SRD5A1: variants seen among roughly 807,000 people sequenced by gnomAD.
SRD5A1 encodes steroid 5 alpha-reductase 1, also known as 3-oxo-5-alpha-steroid 4-dehydrogenase 1.
A neutral mutation model predicts 28.2 loss-of-function variants in SRD5A1; 22 were observed. The observed-to-expected ratio is 0.78, with a 90% CI of 0.56 to 1.12. The LOEUF is 1.12. SRD5A1 is among the 50% of genes most tolerant of loss of function. The pLI is 0.00. For missense variants in SRD5A1, 300 were observed against 346.7 expected, an observed-to-expected ratio of 0.87 and a Z score of 1.07; for synonymous variants, 151 against 135.0, an observed-to-expected ratio of 1.12 and a Z score of -0.82.
At chr5:6,658,209 C>T (rs964411754) in intron 3 of SRD5A1, among the ~76,000 whole-genome samples, 5 of 152,126 alleles carry the variant, frequency 3.3e-5, no homozygotes, top group African/African-American at 1.2e-4. Context: ...CCTGTAATCC[C>T]AGCTACTTGG....
At chr5:6,640,239 C>G (rs1738320703) in intron 1 of SRD5A1, among the ~76,000 whole-genome samples, 1 of 152,144 alleles carries the variant, frequency 6.6e-6, no homozygotes, top group Non-Finnish European at 1.5e-5. Context: ...ATAATAGTCA[C>G]AGTTTTGCAG....
intron 3 of SRD5A1, among the ~76,000 whole-genome samples, chr5:6,662,199 C>T (rs1739027159): frequency 6.6e-6 from 1 of 152,238 alleles, no homozygotes; most frequent in Non-Finnish European, 1.5e-5. Context: ...TTCCCTGTGG[C>T]CTGTTGCCAG....
intron 1 of SRD5A1, among the ~76,000 whole-genome samples, chr5:6,639,619 G>A (rs536290134): frequency 6.6e-6 from 1 of 152,284 alleles, no homozygotes; most frequent in African/African-American, 2.4e-5. Context: ...TTTTTCCTTA[G>A]ATGGATAATC....
chr5:6,636,501 G>A (rs184886231), intron 1 of SRD5A1, among the ~76,000 whole-genome samples: 35 of 152,324 alleles, frequency 2.3e-4, no homozygotes, highest in African/African-American at 7.2e-4. Flanking sequence ...GTGAGGTTTC[G>A]CTGGAGTGAG....
intron 3 of SRD5A1, among the ~76,000 whole-genome samples, chr5:6,659,153 A>G (rs1005506940): frequency 2.7e-5 from 4 of 149,790 alleles, no homozygotes; most frequent in Admixed American, 6.7e-5. Flanking sequence ...TCGCTCTGTC[A>G]CCCAGGCTGG....
At chr5:6,639,970 A>G (rs1185966689) in intron 1 of SRD5A1, among the ~76,000 whole-genome samples, 2 of 152,276 alleles carry the variant, frequency 1.3e-5, no homozygotes, top group Non-Finnish European at 2.9e-5. Flanking sequence ...ACACACATAC[A>G]CATACAACAT....
At chr5:6,644,210 T>C (rs189190308) in intron 1 of SRD5A1, among the ~76,000 whole-genome samples, 39 of 152,336 alleles carry the variant, frequency 2.6e-4, no homozygotes, top group Admixed American at 2.5e-3. Flanking sequence ...TTGCTAATAT[T>C]TTCCCTTCCT....
At chr5:6,639,216 G>C (rs1896670) in intron 1 of SRD5A1, among the ~76,000 whole-genome samples, 58,172 of 152,160 alleles carry the variant, frequency 0.38, 11,350 homozygotes, top group Middle Eastern at 0.5. Flanking sequence ...TTGCTTGCAA[G>C]ACGACAAAAC....
chr5:6,660,844 AG>A (rs1294548290), intron 3 of SRD5A1, among the ~76,000 whole-genome samples: 2 of 152,212 alleles, frequency 1.3e-5, no homozygotes, highest in African/African-American at 4.8e-5. Context: ...ATGGCTGGGG[AG>A]GACTCAGGAA....
At position 6,650,382 on chromosome 5, in the gene SRD5A1, G is replaced by A. The variant is rs189700214; in HGVS notation, c.294-1460G>A. The stretch of plus-strand genomic sequence containing the variant: ...GCCATGATTGCCCCACTGCACTCTA[G>A]CCTGAGTGACAGAGCAAGACCCTGT... On this transcript the variant is annotated intron_variant, in intron 1 of 4. Transcript: ENST00000274192. Among the ~76,000 whole-genome samples, 3 of 149,622 alleles carry A rather than the reference G, an allele frequency of 2.0e-5. No homozygotes were observed. In the East Asian group the frequency reaches 5.9e-4, roughly 29 times the overall value.
In SRD5A1 at chr5:6,668,187, AT is replaced by A. The variant is rs769243078; in HGVS notation, c.714-6del. Reference sequence around the variant, plus strand: ...AGCGACAGAATTATTTCCTTTTTTAATTTTTTTTTCTTAGGTGGTACCTCCG... The same window carrying A: ...AGCGACAGAATTATTTCCTTTTTTAATTTTTTTTCTTAGGTGGTACCTCCG... On this transcript the variant is annotated splice_polypyrimidine_tract_variant and intron_variant, in intron 4 of 4. Transcript: ENST00000274192. The A allele has an allele frequency of 8.9e-5, 132 of 1,484,120 alleles. No homozygotes were observed. The highest frequency in any genetic ancestry group is 1.9e-4 in the Admixed American group (9 of 47,668). 91.9% of individuals were successfully genotyped at this position (1,484,120 alleles called of 1,614,324 possible).
intron 3 of SRD5A1, 90 bp from the exon 4 acceptor site, chr5:6,662,726 A>G: frequency 7.1e-7 from 1 of 1,400,752 alleles, no homozygotes; most frequent in South Asian, 1.2e-5. Context: ...TCTTGAATTT[A>G]TGTTCTCCAG....
chr5:6,633,827 A>G lies in SRD5A1; in HGVS notation c.251A>G (p.Asn84Ser), dbSNP rs1414549191. 3 of 1,597,756 alleles carry G rather than the reference A, an allele frequency of 1.9e-6. No homozygotes were observed. Among genetic ancestry groups the G allele is most frequent in the East Asian group, 2.2e-5 (1 of 44,804 alleles). Residue 84 changes from asparagine (N) to serine (S), a missense_variant, in exon 1 of 5, where the codon AAC becomes AGC. Transcript: ENST00000274192. ...GCCCCGCGTCTCCGCAGCGCGCCCA[A>G]CTGCATCCTCCTGGCCATGTTCCTC... ...ESAPRLRSAPNCILLAMFLVH... is the reference protein window; with the variant it reads ...ESAPRLRSAPSCILLAMFLVH...
Position 6,633,567 on chromosome 5 carries a change from A to G in SRD5A1, c.-10A>G. On this transcript the variant is annotated 5_prime_UTR_variant, in exon 1 of 5. Coordinates refer to ENST00000274192, the MANE Select transcript of SRD5A1 (RefSeq NM_001047.4). ...CTCTGGGGCATGGAGCACGCTGCCC[A>G]GCCCTGGCGATGGCAACGGCGACGG... The G allele has an allele frequency of 6.6e-7, 1 of 1,510,956 alleles. No homozygotes were observed. The allele number at this position is 1,510,956 out of a possible 1,614,324, so 93.6% of individuals were successfully genotyped here.
intron 4 of SRD5A1, among the ~76,000 whole-genome samples, chr5:6,664,954 A>G (rs1248754382): frequency 1.3e-5 from 2 of 152,272 alleles, no homozygotes; most frequent in Non-Finnish European, 2.9e-5. Context: ...AATGCCAGGC[A>G]TGGCAGAAAA....
chr5:6,649,421 T>G (rs1313288077), intron 1 of SRD5A1, among the ~76,000 whole-genome samples: 1 of 152,168 alleles, frequency 6.6e-6, no homozygotes, highest in Admixed American at 6.5e-5. Context: ...GGTAAAACCG[T>G]CTACTTAAGC....
Position 6,673,341 on chromosome 5 carries a change from C to A in SRD5A1, c.*5073C>A, listed in dbSNP as rs570582777. On this transcript the variant is annotated 3_prime_UTR_variant, in exon 5 of 5. Coordinates refer to ENST00000274192, the MANE Select transcript of SRD5A1 (RefSeq NM_001047.4). Reference sequence around the variant, plus strand: ...AGTGCCAAGCATATGATAACATGCTCAGCATCATATGACATTAGGGGATTG... The same window carrying A: ...AGTGCCAAGCATATGATAACATGCTAAGCATCATATGACATTAGGGGATTG... 1 of 152,306 alleles carries A rather than the reference C, an allele frequency of 6.6e-6. No homozygotes were observed. Among genetic ancestry groups the A allele is most frequent in the Non-Finnish European group, 1.5e-5 (1 of 68,020 alleles). 9.4% of individuals were successfully genotyped at this position (152,306 alleles called of 1,614,324 possible).
intron 4 of SRD5A1, among the ~76,000 whole-genome samples, chr5:6,664,373 A>G (rs551246200): frequency 6.6e-6 from 1 of 152,182 alleles, no homozygotes; most frequent in African/African-American, 2.4e-5. Context: ...ATTGGAGATA[A>G]GAAGAAGAAA....
chr5:6,655,737 G>A (rs947877150), intron 2 of SRD5A1, among the ~76,000 whole-genome samples: 5 of 152,180 alleles, frequency 3.3e-5, no homozygotes, highest in East Asian at 1.9e-4. Context: ...AGTGGGATGC[G>A]TCTGTCTGGT....
Sources: allele counts gnomAD v4.1 joint callset (sites outside exome capture counted in the v4.1 genomes callset), GRCh38; gene constraint gnomAD v4.1.1; transcripts MANE v1.5; gene names NCBI Gene and HGNC (gene_info 2026-07-23, HGNC 2026-07-21).